ITGA9: variants seen among roughly 807,000 people sequenced by gnomAD.
ITGA9 encodes integrin alpha-9.
In ITGA9, 56 loss-of-function variants were observed where a neutral mutation model predicts 127.8. The observed-to-expected ratio is 0.44, with a 90% CI of 0.35 to 0.55. The LOEUF is 0.55. Among genes scored for constraint, ITGA9 ranks in the 20% least tolerant of loss-of-function variants. ITGA9 has a pLI of 0.00. For synonymous variants in ITGA9, 508 were observed against 514.5 expected (o/e 0.99, Z 0.17); for missense variants, 1,196 against 1,347.1 (o/e 0.89, Z 1.76).
At chr3:37,517,092 C>T (rs1159757691) in intron 9 of ITGA9, among the ~76,000 whole-genome samples, 1 of 152,044 alleles carries the variant, frequency 6.6e-6, no homozygotes, top group Admixed American at 6.5e-5. Context: ...TACCAAAAGG[C>T]ACAGGAAAGA....
At chr3:37,715,236 A>G (rs1701121976) in intron 18 of ITGA9, among the ~76,000 whole-genome samples, 1 of 152,190 alleles carries the variant, frequency 6.6e-6, no homozygotes, top group Non-Finnish European at 1.5e-5. Context: ...TTAGAGCCTA[A>G]TAGCAATAAC....
intron 16 of ITGA9, among the ~76,000 whole-genome samples, chr3:37,634,802 C>A (rs995691338): frequency 1.5e-4 from 23 of 152,196 alleles, no homozygotes; most frequent in African/African-American, 5.5e-4. Flanking sequence ...AATACACATT[C>A]TTCTCAACTG....
chr3:37,492,779 A>G (rs182225365), intron 4 of ITGA9, among the ~76,000 whole-genome samples: 1 of 152,320 alleles, frequency 6.6e-6, no homozygotes, highest in Admixed American at 6.5e-5. Context: ...TTTAGTCTCT[A>G]GAGTCAGTGG....
intron 15 of ITGA9, among the ~76,000 whole-genome samples, chr3:37,556,721 G>A (rs1285429955): frequency 6.6e-6 from 1 of 152,212 alleles, no homozygotes; most frequent in Non-Finnish European, 1.5e-5. Context: ...GATACCAAAA[G>A]TTACAGGGGA....
chr3:37,679,881 G>T (rs1282084430), intron 17 of ITGA9, among the ~76,000 whole-genome samples: 1 of 151,940 alleles, frequency 6.6e-6, no homozygotes, highest in Non-Finnish European at 1.5e-5. Flanking sequence ...TCTAGTAGGG[G>T]ATAGACAGTC....
intron 14 of ITGA9, among the ~76,000 whole-genome samples, chr3:37,537,751 A>G (rs887757669): frequency 6.6e-6 from 1 of 152,208 alleles, no homozygotes; most frequent in Non-Finnish European, 1.5e-5. Context: ...CTTGTGTGGC[A>G]TGCACTGTGC....
chr3:37,661,606 G>T (rs141282285), intron 17 of ITGA9, among the ~76,000 whole-genome samples: 201 of 152,338 alleles, frequency 1.3e-3, no homozygotes, highest in Middle Eastern at 3.4e-3. Flanking sequence ...GTTGGCAAAG[G>T]CATAGTGGCT....
At chr3:37,705,711 T>G (rs1700997019) in intron 18 of ITGA9, among the ~76,000 whole-genome samples, 1 of 152,216 alleles carries the variant, frequency 6.6e-6, no homozygotes, top group Non-Finnish European at 1.5e-5. Context: ...ATGAGGTTTC[T>G]TTGACTTGGC....
intron 13 of ITGA9, among the ~76,000 whole-genome samples, chr3:37,532,403 A>G (rs1320365108): frequency 6.6e-6 from 1 of 152,204 alleles, no homozygotes; most frequent in Non-Finnish European, 1.5e-5. Flanking sequence ...ATCATTGTAC[A>G]CAGGGGCATC....
At chr3:37,638,659 T>G (rs1473050956) in intron 16 of ITGA9, among the ~76,000 whole-genome samples, 1 of 152,152 alleles carries the variant, frequency 6.6e-6, no homozygotes, top group Non-Finnish European at 1.5e-5. Context: ...CCAGATAACA[T>G]TAGGGTTCCA....
chr3:37,644,407 T>C (rs759002307), intron 16 of ITGA9, among the ~76,000 whole-genome samples: 35 of 152,098 alleles, frequency 2.3e-4, no homozygotes, highest in Non-Finnish European at 3.7e-4. Context: ...TAGAAGCAGA[T>C]TGTGGGATGA....
intron 16 of ITGA9, among the ~76,000 whole-genome samples, chr3:37,650,481 G>A (rs1700419395): frequency 6.6e-6 from 1 of 152,072 alleles, no homozygotes; most frequent in Non-Finnish European, 1.5e-5. Flanking sequence ...TGCCCAGGCT[G>A]GAGTGCAATG....
chr3:37,772,907 C>T (rs777183151), intron 23 of ITGA9, among the ~76,000 whole-genome samples: 25 of 152,314 alleles, frequency 1.6e-4, no homozygotes, highest in Admixed American at 5.9e-4. Flanking sequence ...ATCACGCCAT[C>T]GCCATTACCC....
intron 18 of ITGA9, among the ~76,000 whole-genome samples, chr3:37,712,997 G>A (rs1486934059): frequency 1.3e-5 from 2 of 152,174 alleles, no homozygotes; most frequent in Admixed American, 6.5e-5. Flanking sequence ...GGTGCAGACC[G>A]TCATCCTCCT....
At chr3:37,561,720 A>T (rs1699491740) in intron 15 of ITGA9, among the ~76,000 whole-genome samples, 1 of 152,136 alleles carries the variant, frequency 6.6e-6, no homozygotes, top group Non-Finnish European at 1.5e-5. Context: ...GTTTTAGTAC[A>T]GTTTTTCTGG....
intron 26 of ITGA9, among the ~76,000 whole-genome samples, chr3:37,793,878 C>T (rs1241263125): frequency 6.6e-6 from 1 of 152,142 alleles, no homozygotes; most frequent in African/African-American, 2.4e-5. Flanking sequence ...AACCCCAAGC[C>T]ACTTTACCCT....
intron 27 of ITGA9, among the ~76,000 whole-genome samples, chr3:37,811,130 A>C (rs1203047397): frequency 6.6e-6 from 1 of 152,224 alleles, no homozygotes; most frequent in Non-Finnish European, 1.5e-5. Flanking sequence ...GCTTTCCCAA[A>C]GCTGAGATGT....
intron 4 of ITGA9, among the ~76,000 whole-genome samples, chr3:37,486,474 C>T (rs1698611338): frequency 1.3e-5 from 2 of 152,178 alleles, no homozygotes; most frequent in South Asian, 2.1e-4. Context: ...TATAAAGTGC[C>T]TACCACAGTG....
At chr3:37,805,228 T>G (rs769942069) in intron 27 of ITGA9, among the ~76,000 whole-genome samples, 23 of 152,110 alleles carry the variant, frequency 1.5e-4, no homozygotes, top group African/African-American at 5.3e-4. Flanking sequence ...TTTTATTTTT[T>G]TGTAAACATA....
Sources: allele counts gnomAD v4.1 joint callset (sites outside exome capture counted in the v4.1 genomes callset), GRCh38; gene constraint gnomAD v4.1.1; transcripts MANE v1.5; gene names NCBI Gene and HGNC (gene_info 2026-07-23, HGNC 2026-07-21).